DNER: variants seen among roughly 807,000 people sequenced by gnomAD.
DNER encodes delta and Notch-like epidermal growth factor-related receptor.
In DNER, 33 loss-of-function variants were observed where a neutral mutation model predicts 78.2. The ratio of observed to expected loss-of-function variants is 0.42; its 90% CI spans 0.32 to 0.56. The LOEUF (loss-of-function observed/expected upper bound fraction) is 0.56, where lower values mean the gene tolerates loss of function less well. DNER is among the 20% of genes least tolerant of loss of function. The pLI is 0.11. For synonymous variants in DNER, 417 were observed against 384.8 expected (o/e 1.08, Z -0.98); for missense variants, 918 against 975.3 (o/e 0.94, Z 0.78).
intron 5 of DNER, among the ~76,000 whole-genome samples, chr2:229,530,004 TA>T (rs111787015): frequency 0.08 from 11,780 of 146,672 alleles, 605 homozygotes; most frequent in East Asian, 0.14. Context: ...CTCAAGTCTT[TA>T]AAAAAAAAAT....
chr2:229,550,371 C>T (rs1696709992), intron 4 of DNER, among the ~76,000 whole-genome samples: 1 of 152,180 alleles, frequency 6.6e-6, no homozygotes, highest in Non-Finnish European at 1.5e-5. Context: ...CAACTTCAAA[C>T]AGGCTTTAAC....
chr2:229,678,238 C>T (rs1699328362), intron 1 of DNER, among the ~76,000 whole-genome samples: 1 of 152,134 alleles, frequency 6.6e-6, no homozygotes, highest in Non-Finnish European at 1.5e-5. Flanking sequence ...GGTTAGTGTC[C>T]CCTTCGTATT....
At chr2:229,708,537 G>A (rs1339101417) in intron 1 of DNER, among the ~76,000 whole-genome samples, 1 of 152,214 alleles carries the variant, frequency 6.6e-6, no homozygotes, top group Non-Finnish European at 1.5e-5. Context: ...TGCAGTCACT[G>A]CCTCTGGGTT....
At chr2:229,455,036 T>A (rs1420640516) in intron 7 of DNER, among the ~76,000 whole-genome samples, 1 of 152,118 alleles carries the variant, frequency 6.6e-6, no homozygotes, top group East Asian at 1.9e-4. Flanking sequence ...TAATGACCAC[T>A]AGAAAAGGAA....
chr2:229,571,004 T>C (rs1026997233), intron 4 of DNER, among the ~76,000 whole-genome samples: 1 of 152,034 alleles, frequency 6.6e-6, no homozygotes, highest in African/African-American at 2.4e-5. Context: ...AGATGAGACA[T>C]AAAATGGTCC....
intron 8 of DNER, among the ~76,000 whole-genome samples, chr2:229,445,075 G>A (rs189676494): frequency 5.9e-5 from 9 of 152,268 alleles, no homozygotes; most frequent in East Asian, 3.9e-4. Flanking sequence ...CATGTGTTAC[G>A]ACATCCAGAG....
At chr2:229,446,590 G>C (rs76039084) in intron 8 of DNER, among the ~76,000 whole-genome samples, 18 of 152,332 alleles carry the variant, frequency 1.2e-4, no homozygotes, top group Non-Finnish European at 2.1e-4. Context: ...GCTCGTGTAA[G>C]GATGGAGACA....
intron 1 of DNER, among the ~76,000 whole-genome samples, chr2:229,681,795 A>C (rs6724560): frequency 0.19 from 28,306 of 150,526 alleles, 3,388 homozygotes; most frequent in African/African-American, 0.32. Flanking sequence ...GAGTTCATTT[A>C]ATAGGTTAAG....
intron 7 of DNER, among the ~76,000 whole-genome samples, chr2:229,457,776 G>GAAA (rs112392058): frequency 0.11 from 14,837 of 140,910 alleles, 951 homozygotes; most frequent in South Asian, 0.22. Flanking sequence ...ACTTTATTTG[G>GAAA]AAAAAAAAAA....
chr2:229,562,535 C>T (rs1402232879), intron 4 of DNER, among the ~76,000 whole-genome samples: 1 of 152,082 alleles, frequency 6.6e-6, no homozygotes, highest in Non-Finnish European at 1.5e-5. Context: ...GTGGTAATTG[C>T]CCATAATATC....
chr2:229,415,629 A>G (rs1693632664), intron 9 of DNER, among the ~76,000 whole-genome samples: 1 of 152,088 alleles, frequency 6.6e-6, no homozygotes, highest in South Asian at 2.1e-4. Context: ...TCCATTCTCC[A>G]TCTTCCCCTA....
intron 6 of DNER, among the ~76,000 whole-genome samples, chr2:229,484,837 T>C (rs1695236557): frequency 6.6e-6 from 1 of 152,200 alleles, no homozygotes; most frequent in East Asian, 1.9e-4. Flanking sequence ...TATAAACCTT[T>C]GTTTTGGTTT....
intron 8 of DNER, among the ~76,000 whole-genome samples, chr2:229,436,374 G>A (rs931634283): frequency 6.6e-5 from 10 of 152,112 alleles, no homozygotes; most frequent in South Asian, 2.1e-4. Flanking sequence ...GGTTGATTCC[G>A]TGTCTTTGCT....
At chr2:229,367,303 A>G (rs1210164416) in intron 11 of DNER, among the ~76,000 whole-genome samples, 184 bp from the exon 12 acceptor site, 1 of 152,178 alleles carries the variant, frequency 6.6e-6, no homozygotes, top group African/African-American at 2.4e-5. Flanking sequence ...CTTAAGAATA[A>G]CTAAGAAAAA....
chr2:229,608,161 CA>C (rs1258054360), intron 1 of DNER, among the ~76,000 whole-genome samples: 21 of 152,070 alleles, frequency 1.4e-4, no homozygotes, highest in Non-Finnish European at 1.3e-4. Context: ...CAATGAATTC[CA>C]GATGGATTTT....
chr2:229,443,312 T>C (rs970966252), intron 8 of DNER, among the ~76,000 whole-genome samples: 1 of 152,158 alleles, frequency 6.6e-6, no homozygotes, highest in Non-Finnish European at 1.5e-5. Context: ...GAGGCCACCA[T>C]TGTATTGAGA....
At chr2:229,635,727 C>T (rs767319361) in intron 1 of DNER, among the ~76,000 whole-genome samples, 7 of 152,144 alleles carry the variant, frequency 4.6e-5, no homozygotes, top group Non-Finnish European at 1.0e-4. Flanking sequence ...AGCACCATTT[C>T]CTAAATATGC....
chr2:229,409,278 C>T (rs1270687677), intron 9 of DNER, among the ~76,000 whole-genome samples: 1 of 152,128 alleles, frequency 6.6e-6, no homozygotes, highest in African/African-American at 2.4e-5. Flanking sequence ...TTACAAGTTC[C>T]CACTGGGCTG....
intron 1 of DNER, among the ~76,000 whole-genome samples, chr2:229,694,033 G>A (rs1008201423): frequency 6.6e-6 from 1 of 152,182 alleles, no homozygotes; most frequent in Non-Finnish European, 1.5e-5. Context: ...TTGCAGCCTT[G>A]GGACATGGTG....
Sources: allele counts gnomAD v4.1 joint callset (sites outside exome capture counted in the v4.1 genomes callset), GRCh38; gene constraint gnomAD v4.1.1; transcripts MANE v1.5; gene names NCBI Gene and HGNC (gene_info 2026-07-23, HGNC 2026-07-21).